OSBPL10: variants seen among roughly 807,000 people sequenced by gnomAD.
The protein encoded by OSBPL10 is oxysterol binding protein like 10.
OSBPL10 carries 49 observed loss-of-function variants against 81.7 expected under a neutral mutation model. That is an observed-to-expected ratio of 0.60 (90% CI 0.48 to 0.76). The LOEUF (loss-of-function observed/expected upper bound fraction) is 0.76, where lower values mean the gene tolerates loss of function less well. Among genes scored for constraint, OSBPL10 ranks in the 30% least tolerant of loss-of-function variants. The pLI is 0.00. For missense variants in OSBPL10, 923 were observed against 987.8 expected (o/e 0.93, Z 0.88); for synonymous variants, 419 against 383.6 (o/e 1.09, Z -1.08).
At chr3:31,734,947 G>A (rs1209720157) in intron 5 of OSBPL10, among the ~76,000 whole-genome samples, 1 of 152,212 alleles carries the variant, frequency 6.6e-6, no homozygotes, top group Non-Finnish European at 1.5e-5. Flanking sequence ...TCAAAGAAAA[G>A]TCTACAGGTA....
intron 8 of OSBPL10, among the ~76,000 whole-genome samples, chr3:31,674,567 T>C (rs1343166391): frequency 4.0e-5 from 6 of 148,938 alleles, no homozygotes; most frequent in African/African-American, 1.2e-4. Flanking sequence ...CTCAAATAGA[T>C]AGACAGATAG....
At chr3:31,898,020 AAAAAAAAAAAAAAAAAAC>A (rs1369837214) in intron 1 of OSBPL10, among the ~76,000 whole-genome samples, 4 of 92,910 alleles carry the variant, frequency 4.3e-5, no homozygotes, top group Admixed American at 9.2e-5. Context: ...AAAAAAAAAA[AAAAAAAAAAAAAAAAAAC>A]AGAAGAAGAA....
At chr3:31,679,679 A>G (rs1345338054) in intron 8 of OSBPL10, among the ~76,000 whole-genome samples, 1 of 152,218 alleles carries the variant, frequency 6.6e-6, no homozygotes, top group Non-Finnish European at 1.5e-5. Context: ...GAAATTTAGA[A>G]TAAGGAATAA....
chr3:31,884,446 TCAA>T (rs1695676904), intron 1 of OSBPL10, among the ~76,000 whole-genome samples: 2 of 152,222 alleles, frequency 1.3e-5, no homozygotes, highest in Admixed American at 6.5e-5. Context: ...TGCAACAGAC[TCAA>T]CAAGTGTTCT....
intron 1 of OSBPL10, among the ~76,000 whole-genome samples, chr3:31,941,224 C>T (rs949366945): frequency 6.6e-6 from 1 of 152,130 alleles, no homozygotes; most frequent in African/African-American, 2.4e-5. Flanking sequence ...CATATATACA[C>T]AGGAGACTGT....
intron 10 of OSBPL10, among the ~76,000 whole-genome samples, chr3:31,666,075 A>G (rs1700182934): frequency 6.6e-6 from 1 of 152,130 alleles, no homozygotes; most frequent in Admixed American, 6.5e-5. Context: ...GGGTGGGGAG[A>G]GATGGCAGCA....
intron 3 of OSBPL10, among the ~76,000 whole-genome samples, chr3:31,844,822 C>T (rs1419325306): frequency 6.6e-6 from 1 of 152,182 alleles, no homozygotes; most frequent in East Asian, 1.9e-4. Context: ...GCCTATAATC[C>T]CAGCACTTTG....
intron 6 of OSBPL10, chr3:31,718,873 A>G (rs994261058): frequency 2.0e-5 from 3 of 152,184 alleles, no homozygotes; most frequent in African/African-American, 4.8e-5. Context: ...GCATCTCTAC[A>G]TATTTTCACA....
chr3:31,928,687 G>A (rs1238930925), intron 1 of OSBPL10, among the ~76,000 whole-genome samples: 2 of 148,366 alleles, frequency 1.3e-5, no homozygotes, highest in Admixed American at 6.9e-5. Flanking sequence ...GGCTGAGACA[G>A]GAGAATCATT....
intron 1 of OSBPL10, among the ~76,000 whole-genome samples, chr3:31,938,509 TTTTGTTTG>T (rs377750097): frequency 2.0e-5 from 3 of 152,162 alleles, no homozygotes; most frequent in African/African-American, 7.2e-5. Flanking sequence ...TTGTGGGGTT[TTTTGTTTG>T]TTTGTTTGTT....
intron 1 of OSBPL10, among the ~76,000 whole-genome samples, chr3:32,076,315 C>CA (rs1406227310): frequency 6.6e-6 from 1 of 151,792 alleles, no homozygotes; most frequent in East Asian, 1.9e-4. Context: ...TTGTAGTGAG[C>CA]AGAGATTGCG....
At chr3:31,685,423 A>G (rs1025367423) in intron 7 of OSBPL10, among the ~76,000 whole-genome samples, 1 of 152,164 alleles carries the variant, frequency 6.6e-6, no homozygotes, top group Non-Finnish European at 1.5e-5. Context: ...GGCTCATTAC[A>G]AACTCCTGAG....
intron 1 of OSBPL10, among the ~76,000 whole-genome samples, chr3:31,891,899 T>G (rs776559887): frequency 7.2e-5 from 11 of 152,212 alleles, no homozygotes; most frequent in Non-Finnish European, 1.6e-4. Flanking sequence ...AAGAATTCAC[T>G]CATTTGTTTT....
At chr3:31,870,936 T>TA (rs1420812855) in intron 3 of OSBPL10, among the ~76,000 whole-genome samples, 1 of 152,144 alleles carries the variant, frequency 6.6e-6, no homozygotes, top group Non-Finnish European at 1.5e-5. Context: ...TGTGTGTCTA[T>TA]ACTCTGTATC....
chr3:32,031,931 A>C (rs1699472862), intron 2 of OSBPL10, among the ~76,000 whole-genome samples: 1 of 152,216 alleles, frequency 6.6e-6, no homozygotes, highest in African/African-American at 2.4e-5. Flanking sequence ...ATCTTAGAAT[A>C]TTTCGGAATT....
At chr3:31,873,388 T>A (rs1162404658) in intron 3 of OSBPL10, among the ~76,000 whole-genome samples, 4 of 152,212 alleles carry the variant, frequency 2.6e-5, no homozygotes, top group Non-Finnish European at 5.9e-5. Flanking sequence ...CATTTCACTC[T>A]GGACTGGGGA....
At chr3:31,813,875 T>A (rs539903391) in intron 4 of OSBPL10, among the ~76,000 whole-genome samples, 1 of 151,832 alleles carries the variant, frequency 6.6e-6, no homozygotes, top group Non-Finnish European at 1.5e-5. Context: ...TCCATAAGTA[T>A]GAGCTTTCTT....
chr3:31,873,446 C>G (rs1214252028), intron 3 of OSBPL10, among the ~76,000 whole-genome samples: 1 of 152,194 alleles, frequency 6.6e-6, no homozygotes, highest in Non-Finnish European at 1.5e-5. Context: ...TTTGAAACCA[C>G]AGGCTGGGTC....
chr3:31,879,877 C>G (rs1695508523), intron 1 of OSBPL10, 47 bp from the exon 2 acceptor site: 2 of 1,564,908 alleles, frequency 1.3e-6, no homozygotes, highest in Non-Finnish European at 1.7e-6. Flanking sequence ...CTACCCTATT[C>G]TGCACAGCAA....
Sources: gnomAD v4.1 joint callset for allele counts (sites outside exome capture counted in the v4.1 genomes callset) on GRCh38, gnomAD v4.1.1 for gene constraint, MANE v1.5 for transcripts, NCBI Gene and HGNC (gene_info 2026-07-23, HGNC 2026-07-21) for gene names.